Variants in SORCS2 observed in about 807,000 individuals in gnomAD.
SORCS2 encodes the protein sortilin related VPS10 domain containing receptor 2, also known as VPS10 domain-containing receptor SorCS2.
Under a neutral mutation model 141.6 loss-of-function variants are expected in SORCS2, and 100 were observed. The observed-to-expected ratio is 0.71, with a 90% CI of 0.60 to 0.83. SORCS2 has a LOEUF of 0.83. SORCS2 is among the 40% of genes least tolerant of loss of function. SORCS2 has a pLI of 0.00. For missense variants in SORCS2, 1,646 were observed against 1,560.2 expected (o/e 1.05, Z -0.93); for synonymous variants, 789 against 676.9 (o/e 1.17, Z -2.57).
rs150555524 is a variant in SORCS2 at position 7,370,407 on chromosome 4, G to C, written c.481-25881G>C. ...CAGAGAAGCAGGAACAGGAGGAGAA[G>C]TTTGTATTCAGAGGACAGCCTGGTC... On this transcript the variant is annotated intron_variant, in intron 1 of 26. Coordinates refer to ENST00000507866, the MANE Select transcript of SORCS2 (RefSeq NM_020777.3). Among the ~76,000 whole-genome samples, 1,051 of 152,342 alleles carry C rather than the reference G, an allele frequency of 6.9e-3. 9 individuals are homozygous for C. The highest frequency in any genetic ancestry group is 0.023 in the African/African-American group (957 of 41,582).
chr4:7,569,245 G>T (rs1350298545), intron 3 of SORCS2, among the ~76,000 whole-genome samples: 1 of 152,206 alleles, frequency 6.6e-6, no homozygotes, highest in Non-Finnish European at 1.5e-5. Context: ...GGGTGTGGTG[G>T]CTCATGCCTG....
chr4:7,552,012 C>T (rs1230445606), intron 3 of SORCS2, among the ~76,000 whole-genome samples: 4 of 152,334 alleles, frequency 2.6e-5, no homozygotes, highest in Middle Eastern at 3.4e-3. Context: ...GTGCTCCACA[C>T]GGCTCATAAA....
chr4:7,445,495 G>T (rs1341811744), intron 2 of SORCS2, among the ~76,000 whole-genome samples: 1 of 152,176 alleles, frequency 6.6e-6, no homozygotes, highest in Admixed American at 6.5e-5. Context: ...ATGAGTGGAA[G>T]AAGGCCTGGG....
intron 3 of SORCS2, among the ~76,000 whole-genome samples, chr4:7,606,426 C>G (rs977663736): frequency 1.3e-5 from 2 of 152,136 alleles, no homozygotes; most frequent in Non-Finnish European, 2.9e-5. Context: ...TACACAGTAT[C>G]CTGGCTTCTC....
At chr4:7,330,009 C>T (rs1025496310) in intron 1 of SORCS2, among the ~76,000 whole-genome samples, 5 of 151,976 alleles carry the variant, frequency 3.3e-5, no homozygotes, top group African/African-American at 9.7e-5. Flanking sequence ...TTGGCAGGTG[C>T]GGTTCCTTCT....
At chr4:7,237,118 C>T (rs546615523) in intron 1 of SORCS2, among the ~76,000 whole-genome samples, 67 of 152,216 alleles carry the variant, frequency 4.4e-4, no homozygotes, top group East Asian at 2.7e-3. Context: ...GCCTCAAGTC[C>T]GGCCGAGAAC....
chr4:7,391,931 G>A (rs769814023), intron 1 of SORCS2, among the ~76,000 whole-genome samples: 1 of 152,224 alleles, frequency 6.6e-6, no homozygotes, highest in Non-Finnish European at 1.5e-5. Flanking sequence ...CATTAGCAGG[G>A]CTGGAGGAGC....
At chr4:7,700,452 C>T (rs915600669) in intron 12 of SORCS2, among the ~76,000 whole-genome samples, 6 of 152,138 alleles carry the variant, frequency 3.9e-5, no homozygotes, top group Non-Finnish European at 7.3e-5. Context: ...TGCTGGCATC[C>T]CCAACAGAGA....
intron 1 of SORCS2, among the ~76,000 whole-genome samples, chr4:7,317,139 A>G (rs962322401): frequency 6.6e-6 from 1 of 152,214 alleles, no homozygotes; most frequent in African/African-American, 2.4e-5. Context: ...TGCTCAGTCA[A>G]CATTAATAAA....
chr4:7,363,472 C>T (rs1721723388), intron 1 of SORCS2, among the ~76,000 whole-genome samples: 2 of 143,476 alleles, frequency 1.4e-5, no homozygotes, highest in Admixed American at 6.8e-5. Flanking sequence ...CCATTACCAT[C>T]ACCGTCACCA....
chr4:7,558,845 G>A (rs569682416), intron 3 of SORCS2, among the ~76,000 whole-genome samples: 10 of 152,306 alleles, frequency 6.6e-5, no homozygotes, highest in African/African-American at 2.4e-4. Flanking sequence ...ACGGGCCTCT[G>A]GCTTTACCCC....
At chr4:7,538,387 C>T (rs1445230214) in intron 3 of SORCS2, among the ~76,000 whole-genome samples, 1 of 152,224 alleles carries the variant, frequency 6.6e-6, no homozygotes, top group Non-Finnish European at 1.5e-5. Context: ...CCCTGCAATG[C>T]TCAGATCAGC....
chr4:7,231,529 CCATCCATT>C (rs1711882417), intron 1 of SORCS2, among the ~76,000 whole-genome samples: 2 of 152,092 alleles, frequency 1.3e-5, no homozygotes, highest in Admixed American at 6.5e-5. Context: ...ATCCATCCAT[CCATCCATT>C]CATCCATCCA....
intron 10 of SORCS2, among the ~76,000 whole-genome samples, chr4:7,686,706 T>C (rs1723900677): frequency 6.6e-6 from 1 of 152,224 alleles, no homozygotes; most frequent in Admixed American, 6.5e-5. Context: ...TGGTGCCCCA[T>C]GGGCAGGCAC....
At chr4:7,203,765 C>T (rs756238634) in intron 1 of SORCS2, among the ~76,000 whole-genome samples, 68 of 152,268 alleles carry the variant, frequency 4.5e-4, no homozygotes, top group Admixed American at 1.8e-3. Flanking sequence ...CATTCTTCTC[C>T]AGAACGTTCT....
At chr4:7,377,413 G>T (rs762550395) in intron 1 of SORCS2, among the ~76,000 whole-genome samples, 1 of 152,106 alleles carries the variant, frequency 6.6e-6, no homozygotes, top group Admixed American at 6.5e-5. Flanking sequence ...AGGGAACACC[G>T]CATGAAGCCA....
chr4:7,377,648 G>C (rs909962652), intron 1 of SORCS2, among the ~76,000 whole-genome samples: 1 of 152,186 alleles, frequency 6.6e-6, no homozygotes, highest in African/African-American at 2.4e-5. Flanking sequence ...ATGGCGGCAG[G>C]GCTCTCCTTC....
chr4:7,311,474 T>G (rs1311079904), intron 1 of SORCS2, among the ~76,000 whole-genome samples: 1 of 152,086 alleles, frequency 6.6e-6, no homozygotes, highest in African/African-American at 2.4e-5. Flanking sequence ...TATGTTTAGG[T>G]TTTTCAAAGA....
intron 3 of SORCS2, among the ~76,000 whole-genome samples, chr4:7,572,199 G>T (rs896307009): frequency 6.6e-6 from 1 of 152,140 alleles, no homozygotes; most frequent in Non-Finnish European, 1.5e-5. Flanking sequence ...AGCACAGGGC[G>T]TCCAAAGCTG....
Sources: allele counts gnomAD v4.1 joint callset (sites outside exome capture counted in the v4.1 genomes callset), GRCh38; gene constraint gnomAD v4.1.1; transcripts MANE v1.5; gene names NCBI Gene and HGNC (gene_info 2026-07-23, HGNC 2026-07-21).